The following DAOA variants were observed in gnomAD, a reference collection of about 807,000 sequenced individuals.
DAOA encodes D-amino acid oxidase regulator.
Under a neutral mutation model 16.4 loss-of-function variants are expected in DAOA, and 15 were observed. That is an observed-to-expected ratio of 0.91 (90% confidence interval 0.61 to 1.41). The LOEUF is 1.41. DAOA is among the 40% of genes most tolerant of loss of function. DAOA has a pLI of 0.00. For missense variants in DAOA, 230 were observed against 176.8 expected, an observed-to-expected ratio of 1.30 and a Z score of -1.71; for synonymous variants, 75 against 59.1, an observed-to-expected ratio of 1.27 and a Z score of -1.23.
intron 4 of DAOA, among the ~76,000 whole-genome samples, chr13:105,476,648 A>T (rs1877358900): frequency 1.3e-5 from 2 of 152,172 alleles, no homozygotes; most frequent in East Asian, 3.9e-4. Flanking sequence ...CCTTTACCTC[A>T]TTCTAAATCT....
chr13:105,477,943 A>G (rs765427029), intron 4 of DAOA, among the ~76,000 whole-genome samples: 2 of 152,224 alleles, frequency 1.3e-5, no homozygotes, highest in African/African-American at 4.8e-5. Flanking sequence ...TTAACTTGTT[A>G]TGTTTAAGAC....
intron 3 of DAOA, among the ~76,000 whole-genome samples, chr13:105,471,030 C>T (rs921028309): frequency 2.5e-4 from 38 of 152,054 alleles, no homozygotes; most frequent in South Asian, 4.1e-4. Context: ...CCTTGTGATC[C>T]GCCCGCCTCG....
At chr13:105,487,604 C>T (rs1044355783) in intron 4 of DAOA, among the ~76,000 whole-genome samples, 12 of 144,074 alleles carry the variant, frequency 8.3e-5, no homozygotes, top group East Asian at 2.0e-4. Flanking sequence ...AAAAAAAAAA[C>T]GGTTTGCAAG....
At chr13:105,472,247 C>T (rs944883759) in intron 3 of DAOA, among the ~76,000 whole-genome samples, 1 of 152,138 alleles carries the variant, frequency 6.6e-6, no homozygotes, top group South Asian at 2.1e-4. Context: ...TTAATTTTTT[C>T]GTGCCATTTT....
At chr13:105,484,124 T>A (rs1032468954) in intron 4 of DAOA, among the ~76,000 whole-genome samples, 1 of 152,168 alleles carries the variant, frequency 6.6e-6, no homozygotes. Context: ...GTTGAAAATA[T>A]GATATTGCTA....
intron 4 of DAOA, 88 bp downstream of exon 4, chr13:105,472,773 T>C: frequency 8.2e-7 from 1 of 1,220,156 alleles, no homozygotes. Context: ...TCTGGGCTTT[T>C]TAATATTAGA....
At position 105,472,669 on chromosome 13, in the gene DAOA, C is replaced by G; in HGVS notation, c.265C>G (p.Pro89Ala). 1 of 1,613,802 alleles carries G rather than the reference C, an allele frequency of 6.2e-7. No homozygotes were observed. Among genetic ancestry groups the G allele is most frequent in the Non-Finnish European group, 8.5e-7 (1 of 1,179,804 alleles). Reference sequence around the variant, plus strand: ...ATTATGTCCTTGGGTCTCTTACCTTCCTCAGCCCTATGCAGAGTATGTATC... The same window carrying G: ...ATTATGTCCTTGGGTCTCTTACCTTGCTCAGCCCTATGCAGAGTATGTATC... ...RSLCPWVSYL[P>A]QPYAELEEVS... The change falls in exon 4 of 6, where the codon CCT becomes GCT. Residue 89 changes from proline to alanine, a missense_variant. Coordinates refer to ENST00000375936, the MANE Select transcript of DAOA (RefSeq NM_172370.5).
intron 4 of DAOA, among the ~76,000 whole-genome samples, chr13:105,473,812 T>C (rs909820738): frequency 6.6e-6 from 1 of 152,132 alleles, no homozygotes; most frequent in African/African-American, 2.4e-5. Context: ...TTTCTACTCA[T>C]TTTCAATCTA....
chr13:105,481,987 C>A (rs536445590), intron 4 of DAOA, among the ~76,000 whole-genome samples: 3 of 152,088 alleles, frequency 2.0e-5, no homozygotes, highest in Non-Finnish European at 4.4e-5. Context: ...ACAATTATGG[C>A]AGAAGATGAA....
Position 105,490,188 on chromosome 13 carries a change from A to T in DAOA, c.*107A>T, listed in dbSNP as rs1159250085. The T allele has an allele frequency of 7.9e-7, 1 of 1,272,196 alleles. No individual in the cohort carries two copies. Among genetic ancestry groups the T allele is most frequent in the Non-Finnish European group, 1.0e-6 (1 of 988,374 alleles). The allele number at this position is 1,272,196 out of a possible 1,614,324, so 78.8% of individuals were successfully genotyped here. A position where few individuals can be genotyped will look rare whatever the true frequency, so the allele number is the denominator to read the frequency against. ...CTGTGTCTGGGACCCAGCTGATAAC[A>T]CGTGGTAATATGTTTTATAAAATTA... is the stretch of plus-strand genomic sequence containing the variant. On this transcript the variant is annotated 3_prime_UTR_variant, in exon 5 of 6. Coordinates refer to ENST00000375936, the MANE Select transcript of DAOA (RefSeq NM_172370.5).
At chr13:105,489,016 G>C (rs1452248832) in intron 4 of DAOA, among the ~76,000 whole-genome samples, 1 of 152,196 alleles carries the variant, frequency 6.6e-6, no homozygotes, top group East Asian at 1.9e-4. Flanking sequence ...GATTCACCAG[G>C]AGAGACAAAC....
intron 4 of DAOA, among the ~76,000 whole-genome samples, chr13:105,488,493 A>G (rs1467789181): frequency 6.6e-6 from 1 of 152,222 alleles, no homozygotes; most frequent in East Asian, 1.9e-4. Context: ...CCTCAGGCAC[A>G]TAACATCTTA....
intron 3 of DAOA, among the ~76,000 whole-genome samples, chr13:105,472,107 A>G (rs1402592763): frequency 1.3e-5 from 2 of 152,150 alleles, no homozygotes; most frequent in Non-Finnish European, 2.9e-5. Context: ...TCTTCCCAAC[A>G]GTCACACAGG....
In DAOA at chr13:105,486,133, C is replaced by G. The variant is rs1243090662; in HGVS notation, c.282-3768C>G. ...ATTGGAACATGTCATTGCCCTTCTT[C>G]AAACTTTTAGTGGCTCCTTATTATT... On this transcript the variant is annotated intron_variant, in intron 4 of 5. Transcript: ENST00000375936. 2.6e-5 allele frequency among the ~76,000 whole-genome samples: 4 copies of G among 152,156 alleles called. No homozygotes were observed. In the East Asian group the frequency reaches 7.7e-4, roughly 29 times the overall value.
intron 3 of DAOA, among the ~76,000 whole-genome samples, chr13:105,468,846 A>G (rs1197531599): frequency 6.6e-6 from 1 of 152,220 alleles, no homozygotes; most frequent in Non-Finnish European, 1.5e-5. Flanking sequence ...TATTATGAAA[A>G]TAATTGTGGG....
chr13:105,477,389 A>C (rs1243152150), intron 4 of DAOA, among the ~76,000 whole-genome samples: 2 of 152,228 alleles, frequency 1.3e-5, no homozygotes, highest in African/African-American at 4.8e-5. Flanking sequence ...GGTTATAAAA[A>C]TAATCCTACA....
chr13:105,486,476 T>C (rs1878118059), intron 4 of DAOA, among the ~76,000 whole-genome samples: 1 of 152,188 alleles, frequency 6.6e-6, no homozygotes, highest in African/African-American at 2.4e-5. Flanking sequence ...TTGACCTATA[T>C]AGTGTCATAT....
At chr13:105,471,168 G>GC (rs1177108460) in intron 3 of DAOA, among the ~76,000 whole-genome samples, 2 of 152,068 alleles carry the variant, frequency 1.3e-5, no homozygotes, top group Admixed American at 6.6e-5. Context: ...CAGGTGATCC[G>GC]CCCCCCTTGG....
chr13:105,468,472 T>C (rs1316825724), intron 3 of DAOA, among the ~76,000 whole-genome samples: 1 of 152,242 alleles, frequency 6.6e-6, no homozygotes, highest in African/African-American at 2.4e-5. Flanking sequence ...CCAAGATTGA[T>C]GATTACTTGA....
Sources: allele counts gnomAD v4.1 joint callset (sites outside exome capture counted in the v4.1 genomes callset), GRCh38; gene constraint gnomAD v4.1.1; transcripts MANE v1.5; gene names NCBI Gene and HGNC (gene_info 2026-07-23, HGNC 2026-07-21).